RABGAP1: variants seen among roughly 807,000 people sequenced by gnomAD.
RABGAP1 encodes rab GTPase-activating protein 1.
In RABGAP1, 23 loss-of-function variants were observed where a neutral mutation model predicts 137.6. That is an observed-to-expected ratio of 0.17 (90% CI 0.12 to 0.24). RABGAP1 has a LOEUF of 0.24. Ranked by LOEUF, RABGAP1 falls within the 10% of genes least tolerant of loss-of-function variation. RABGAP1 has a pLI of 1.00. For missense variants in RABGAP1, 906 were observed against 1,275.8 expected, an observed-to-expected ratio of 0.71 and a Z score of 4.42; for synonymous variants, 451 against 450.7, an observed-to-expected ratio of 1.00 and a Z score of -0.01.
intron 8 of RABGAP1, chr9:122,996,883 T>G: frequency 4.6e-6 from 2 of 438,942 alleles, no homozygotes; most frequent in South Asian, 2.7e-5. Context: ...GAAAATTTAT[T>G]AAAGAATGAT....
intron 2 of RABGAP1, among the ~76,000 whole-genome samples, chr9:122,964,672 T>C (rs548358278): frequency 6.3e-4 from 96 of 152,066 alleles, no homozygotes; most frequent in Non-Finnish European, 8.2e-4. Context: ...GACAAGGAGG[T>C]CTACACTCAC....
At chr9:122,992,573 G>T (rs191167930) in intron 6 of RABGAP1, among the ~76,000 whole-genome samples, 119 of 151,730 alleles carry the variant, frequency 7.8e-4, no homozygotes, top group African/African-American at 2.7e-3. Context: ...TTAGGACTTT[G>T]TTCTCCTTTT....
At position 122,990,073 on chromosome 9, in the gene RABGAP1, C is replaced by T; in HGVS notation, c.783C>T (p.Tyr261=). Residue 261 remains tyrosine (Y), a synonymous_variant, in exon 6 of 26, where the codon TAC becomes TAT. Coordinates refer to ENST00000373647, the MANE Select transcript of RABGAP1 (RefSeq NM_012197.4). ...EIQEAVSRIL[Y]SFATAFRRSA... is the part of the protein sequence containing the mutation. ...GGTTGTAGGTAAGCCGGATACTTTA[C>T]AGTTTTGCCACTGCCTTCCGCCGTT... 5 of 1,607,870 alleles carry T rather than the reference C, an allele frequency of 3.1e-6. No individual in the cohort carries two copies. The highest frequency in any genetic ancestry group is 1.3e-5 in the African/African-American group (1 of 74,738).
At chr9:123,069,476 G>A (rs948814147) in intron 14 of RABGAP1, among the ~76,000 whole-genome samples, 1 of 151,896 alleles carries the variant, frequency 6.6e-6, no homozygotes, top group African/African-American at 2.4e-5. Flanking sequence ...GGTGGCTCAC[G>A]CCTGTAATCC....
At chr9:123,098,591 T>C in intron 22 of RABGAP1, 124 bp from the exon 23 acceptor site, 1 of 668,466 alleles carries the variant, frequency 1.5e-6, no homozygotes, top group East Asian at 2.9e-5. Context: ...AGAAAGTAGC[T>C]GAATTAGAGG....
In RABGAP1 at chr9:122,990,818, T is replaced by A. The variant is rs1269357359; in HGVS notation, c.923+605T>A. The A allele has an allele frequency of 1.8e-3, 201 of 113,172 alleles. 7 individuals are homozygous for A. Among genetic ancestry groups the A allele is most frequent in the East Asian group, 0.011 (39 of 3,542 alleles). 7.0% of individuals were successfully genotyped at this position (113,172 alleles called of 1,614,324 possible). ...AAAAATATATATATATATATATATA[T>A]ATATATATATATATATATGGCCAAA... On this transcript the variant is annotated intron_variant, in intron 6 of 25. Transcript: ENST00000373647.
intron 2 of RABGAP1, among the ~76,000 whole-genome samples, chr9:122,961,164 C>T (rs1433121587): frequency 1.3e-5 from 2 of 151,968 alleles, no homozygotes; most frequent in Non-Finnish European, 2.9e-5. Context: ...ATTTATATAT[C>T]CAGGAAGTTC....
chr9:123,035,266 A>G, intron 13 of RABGAP1: 1 of 1,614,204 alleles, frequency 6.2e-7, no homozygotes, highest in African/African-American at 1.3e-5. Flanking sequence ...CCGCTTCAGC[A>G]GCCAGAGTGG....
intron 17 of RABGAP1, 22 bp from the exon 18 acceptor site, chr9:123,076,223 C>CT: frequency 6.2e-7 from 1 of 1,605,602 alleles, no homozygotes; most frequent in Admixed American, 1.7e-5. Context: ...TGACAGTGTT[C>CT]TTTTTGTCTG....
At chr9:122,941,317 C>G (rs1161173481) in intron 1 of RABGAP1, among the ~76,000 whole-genome samples, 1 of 152,200 alleles carries the variant, frequency 6.6e-6, no homozygotes, top group Non-Finnish European at 1.5e-5. Flanking sequence ...CAGGCTGGGC[C>G]GCTCTGGGAG....
chr9:123,058,304 A>G (rs555878067), intron 13 of RABGAP1, among the ~76,000 whole-genome samples: 63 of 152,246 alleles, frequency 4.1e-4, no homozygotes, highest in Non-Finnish European at 7.2e-4. Flanking sequence ...TAATATGAAA[A>G]GATACAATAT....
chr9:123,062,709 C>T (rs770085786), intron 13 of RABGAP1: 1 of 152,022 alleles, frequency 6.6e-6, no homozygotes, highest in African/African-American at 2.4e-5. Flanking sequence ...AAGAACTGGC[C>T]CAGTTATAGA....
chr9:122,968,074 A>G (rs560835682), intron 2 of RABGAP1, among the ~76,000 whole-genome samples: 2 of 152,024 alleles, frequency 1.3e-5, no homozygotes, highest in East Asian at 1.9e-4. Flanking sequence ...AGGTGTATAT[A>G]TTTATGCGTT....
chr9:123,035,022 G>A (rs779048822), intron 13 of RABGAP1: 1 of 1,613,880 alleles, frequency 6.2e-7, no homozygotes, highest in South Asian at 1.1e-5. Context: ...GTATTTTCCT[G>A]ATTTGGCTAT....
intron 13 of RABGAP1, chr9:123,035,694 T>G: frequency 1.2e-5 from 10 of 845,064 alleles, no homozygotes; most frequent in Non-Finnish European, 1.8e-5. Context: ...ATTTTATCTC[T>G]AAGTATTCCT....
intron 15 of RABGAP1, among the ~76,000 whole-genome samples, chr9:123,071,907 T>G (rs1467125815): frequency 1.3e-5 from 2 of 152,286 alleles, no homozygotes; most frequent in East Asian, 3.9e-4. Flanking sequence ...ACAGTGTGAC[T>G]GGAGTATCCT....
At chr9:123,018,018 C>T (rs1024705888) in intron 12 of RABGAP1, among the ~76,000 whole-genome samples, 4 of 152,128 alleles carry the variant, frequency 2.6e-5, no homozygotes, top group African/African-American at 9.7e-5. Context: ...TTTTTTGAGA[C>T]GGAGTCTCGC....
intron 19 of RABGAP1, among the ~76,000 whole-genome samples, chr9:123,078,319 A>G (rs192757492): frequency 6.6e-6 from 1 of 152,164 alleles, no homozygotes; most frequent in Non-Finnish European, 1.5e-5. Flanking sequence ...AAAATGTTAC[A>G]TACTTCATAG....
At chr9:122,951,722 A>G (rs1834261839) in intron 1 of RABGAP1, among the ~76,000 whole-genome samples, 1 of 151,944 alleles carries the variant, frequency 6.6e-6, no homozygotes, top group Non-Finnish European at 1.5e-5. Flanking sequence ...GGCACACACC[A>G]CCACACTTGA....
Sources: gnomAD v4.1 joint callset for allele counts (sites outside exome capture counted in the v4.1 genomes callset) on GRCh38, gnomAD v4.1.1 for gene constraint, MANE v1.5 for transcripts, NCBI Gene and HGNC (gene_info 2026-07-23, HGNC 2026-07-21) for gene names.